Variants in PIEZO2 observed in about 807,000 individuals in gnomAD.
PIEZO2 encodes piezo-type mechanosensitive ion channel component 2.
A neutral mutation model predicts 337.3 loss-of-function variants in PIEZO2; 172 were observed. The ratio of observed to expected loss-of-function variants is 0.51; its 90% confidence interval spans 0.45 to 0.58. The LOEUF (loss-of-function observed/expected upper bound fraction) is 0.58, where lower values mean the gene tolerates loss of function less well. PIEZO2 is among the 20% of genes least tolerant of loss of function. PIEZO2 has a pLI of 0.00. For missense variants in PIEZO2, 3,028 were observed against 3,391.3 expected (o/e 0.89, Z 2.66); for synonymous variants, 1,251 against 1,228.5 (o/e 1.02, Z -0.38).
At chr18:10,721,116 T>C (rs1406382163) in intron 36 of PIEZO2, among the ~76,000 whole-genome samples, 1 of 152,218 alleles carries the variant, frequency 6.6e-6, no homozygotes, top group African/African-American at 2.4e-5. Context: ...AATGAAAGGC[T>C]TTAGAACAAA....
intron 7 of PIEZO2, among the ~76,000 whole-genome samples, chr18:10,818,552 T>C (rs998611818): frequency 6.6e-6 from 1 of 152,148 alleles, no homozygotes; most frequent in African/African-American, 2.4e-5. Context: ...GCAGGATCAA[T>C]AGTAATATAG....
At chr18:11,139,514 C>T (rs892919814) in intron 1 of PIEZO2, among the ~76,000 whole-genome samples, 2 of 152,032 alleles carry the variant, frequency 1.3e-5, no homozygotes, top group African/African-American at 4.8e-5. Flanking sequence ...CTAGATCATA[C>T]CTGTACCCAC....
intron 2 of PIEZO2, among the ~76,000 whole-genome samples, chr18:11,034,310 C>CT (rs2036846881): frequency 7.4e-6 from 1 of 135,996 alleles, no homozygotes; most frequent in East Asian, 2.1e-4. Context: ...TTTTTTTTTT[C>CT]TTTTTGGCGG....
At chr18:11,055,896 C>G (rs1445557674) in intron 2 of PIEZO2, among the ~76,000 whole-genome samples, 1 of 152,206 alleles carries the variant, frequency 6.6e-6, no homozygotes, top group African/African-American at 2.4e-5. Context: ...AAGGTCCCAC[C>G]ACCTCTATGC....
In PIEZO2 at chr18:11,077,491, AC is replaced by A. The variant is rs200195857; in HGVS notation, c.65-11270del. Among the ~76,000 whole-genome samples, 190 of 152,022 alleles carry A rather than the reference AC, an allele frequency of 1.2e-3. No individual in the cohort carries two copies. The highest frequency in any genetic ancestry group is 4.1e-3 in the African/African-American group (170 of 41,444). ...AGACCAACCTGGGCAACATAGTGAG[AC>A]CCCCATCTCCACACAAAAAAAGAAA... On this transcript the variant is annotated intron_variant, in intron 1 of 55. Transcript: ENST00000674853. The surrounding 1 kb of genome is among the most constrained non-coding windows in gnomAD (Gnocchi z 4.8).
Position 10,794,321 on chromosome 18 carries a change from C to T in PIEZO2, c.1758+451G>A, listed in dbSNP as rs1254558536. On this transcript the variant is annotated intron_variant, in intron 13 of 55. Coordinates refer to ENST00000674853, the MANE Select transcript of PIEZO2 (RefSeq NM_001378183.1). This position sits in a 1 kb window ranked among gnomAD's most constrained non-coding sequence, Gnocchi z 6.6. The stretch of plus-strand genomic sequence containing the variant: ...CAAGTGTCATACTTCATTTTTGCTG[C>T]TAAAAATGTTCTTTAGGAAAGAATT... 6.6e-6 allele frequency among the ~76,000 whole-genome samples: 1 copy of T among 152,134 alleles called. No individual in the cohort carries two copies. The highest frequency in any genetic ancestry group is 1.5e-5 in the Non-Finnish European group (1 of 68,026).
In PIEZO2 at chr18:10,797,532, C is replaced by T. The variant is rs1380808172; in HGVS notation, c.1379-10G>A. On this transcript the variant is annotated splice_polypyrimidine_tract_variant and intron_variant, in intron 11 of 55. Transcript: ENST00000674853. ...TCCTCCTCTCGCTTTTCTAGATGGA[C>T]GAATACTTTATTTAACTATTTATGC... The T allele has an allele frequency of 9.1e-6, 14 of 1,535,664 alleles. No individual in the cohort carries two copies. The highest frequency in any genetic ancestry group is 1.7e-4 in the Middle Eastern group (1 of 6,000).
intron 4 of PIEZO2, chr18:10,890,624 A>C (rs932439758): frequency 1.1e-4 from 17 of 152,232 alleles, no homozygotes; most frequent in Admixed American, 3.3e-4. Context: ...AGATCTCATG[A>C]GAACTCACTC....
rs192467295 is a variant in PIEZO2, at chr18:11,141,463, G to A, written c.64+7062C>T. ...AAGATGGAATGAGTCCAAGAGGCCA[G>A]GTTGGAGGCTTGAGGTTCTGCATGC... On this transcript the variant is annotated intron_variant, in intron 1 of 55. Coordinates refer to ENST00000674853, the MANE Select transcript of PIEZO2 (RefSeq NM_001378183.1). Among the ~76,000 whole-genome samples, 1,005 of 152,310 alleles carry A rather than the reference G, an allele frequency of 6.6e-3. 44 individuals carry two copies. Among genetic ancestry groups the A allele is most frequent in the Admixed American group, 0.059 (903 of 15,302 alleles).
intron 1 of PIEZO2, among the ~76,000 whole-genome samples, chr18:11,108,430 A>C (rs2039633864): frequency 6.7e-6 from 1 of 150,184 alleles, no homozygotes; most frequent in Non-Finnish European, 1.5e-5. Context: ...CCTGGCTAAC[A>C]CGGTGAAACC....
chr18:10,703,881 C>T (rs940192777), intron 42 of PIEZO2, among the ~76,000 whole-genome samples: 5 of 148,388 alleles, frequency 3.4e-5, no homozygotes, highest in East Asian at 4.7e-4. Context: ...TGGAACTTTA[C>T]GTTTACGTTT....
intron 2 of PIEZO2, among the ~76,000 whole-genome samples, chr18:11,046,558 G>A (rs1271027986): frequency 2.0e-5 from 3 of 152,224 alleles, no homozygotes; most frequent in Non-Finnish European, 4.4e-5. Flanking sequence ...GAGTGCACGC[G>A]TCCACACAGC....
In PIEZO2 at chr18:10,798,897, T is replaced by C. The variant is rs1036259866; in HGVS notation, c.1379-1375A>G. Reference sequence around the variant, plus strand: ...TGAGCTGCAAACTAAAACACATACATGCAGGAAGCAGAAACAGGGAACGAA... The same window carrying C: ...TGAGCTGCAAACTAAAACACATACACGCAGGAAGCAGAAACAGGGAACGAA... On this transcript the variant is annotated intron_variant, in intron 11 of 55. Transcript: ENST00000674853. 4.0e-5 allele frequency among the ~76,000 whole-genome samples: 6 copies of C among 150,972 alleles called. No homozygotes were observed. The East Asian group carries it at 1.2e-3, about 30-fold the overall frequency.
At position 11,094,462 on chromosome 18, in the gene PIEZO2, A is replaced by G. The variant is rs2039202483; in HGVS notation, c.65-28240T>C. Among the ~76,000 whole-genome samples, 1 of 152,174 alleles carries G rather than the reference A, an allele frequency of 6.6e-6. No homozygotes were observed. Among genetic ancestry groups the G allele is most frequent in the African/African-American group, 2.4e-5 (1 of 41,428 alleles). ...AAAGCAACTTAGTTCTCTTAAAGAC[A>G]CAGGACCAACATGCAGGAGACTCAG... On this transcript the variant is annotated intron_variant, in intron 1 of 55. Coordinates refer to ENST00000674853, the MANE Select transcript of PIEZO2 (RefSeq NM_001378183.1). The surrounding 1 kb of genome is among the most constrained non-coding windows in gnomAD (Gnocchi z 4.4).
chr18:10,993,762 C>T lies in PIEZO2; in HGVS notation c.161-14102G>A, dbSNP rs571939000. Among the ~76,000 whole-genome samples, 16 of 152,246 alleles carry T rather than the reference C, an allele frequency of 1.1e-4. No individual in the cohort carries two copies. In the South Asian group the frequency reaches 2.5e-3, roughly 24 times the overall value. ...CAGGATGGTCTCGATCTCCTGACTTCGTGATCTGCCCGCTTCGGCCTCCCA... is the reference window on the plus strand; with the variant it reads ...CAGGATGGTCTCGATCTCCTGACTTTGTGATCTGCCCGCTTCGGCCTCCCA... On this transcript the variant is annotated intron_variant, in intron 2 of 55. Coordinates refer to ENST00000674853, the MANE Select transcript of PIEZO2 (RefSeq NM_001378183.1). The surrounding 1 kb of genome is among the most constrained non-coding windows in gnomAD (Gnocchi z 5.0).
intron 18 of PIEZO2, among the ~76,000 whole-genome samples, chr18:10,778,335 CTTTT>C (rs764803228): frequency 1.6e-5 from 2 of 127,742 alleles, no homozygotes; most frequent in African/African-American, 2.9e-5. Flanking sequence ...TCTGGCTGCT[CTTTT>C]TTTTTTTTTT....
At chr18:10,745,818 C>T (rs1169393320) in intron 30 of PIEZO2, among the ~76,000 whole-genome samples, 1 of 152,140 alleles carries the variant, frequency 6.6e-6, no homozygotes, top group Non-Finnish European at 1.5e-5. Context: ...CAGGCCTGTC[C>T]ATGCAGCTGC....
In PIEZO2 at chr18:11,031,994, C is replaced by T. The variant is rs1456348876; in HGVS notation, c.160+34133G>A. ...TCTCTGTCTCTCTCTCACACACATA[C>T]GCATACACACAGATATTTACTGCTG... On this transcript the variant is annotated intron_variant, in intron 2 of 55. Coordinates refer to ENST00000674853, the MANE Select transcript of PIEZO2 (RefSeq NM_001378183.1). This position sits in a 1 kb window ranked among gnomAD's most constrained non-coding sequence, Gnocchi z 4.7. Among the ~76,000 whole-genome samples, 4 of 152,144 alleles carry T rather than the reference C, an allele frequency of 2.6e-5. No homozygotes were observed. The highest frequency in any genetic ancestry group is 3.8e-4 in the East Asian group (2 of 5,198).
At chr18:10,904,761 G>C (rs941745733) in intron 4 of PIEZO2, among the ~76,000 whole-genome samples, 1 of 152,216 alleles carries the variant, frequency 6.6e-6, no homozygotes. Flanking sequence ...CATTTAATAC[G>C]AGCAAGAAAT....
Sources: allele counts gnomAD v4.1 joint callset (sites outside exome capture counted in the v4.1 genomes callset), GRCh38; gene constraint gnomAD v4.1.1; non-coding constraint Gnocchi (gnomAD v3.1); transcripts MANE v1.5; gene names NCBI Gene and HGNC (gene_info 2026-07-23, HGNC 2026-07-21).